SYT6: variants seen among roughly 807,000 people sequenced by gnomAD.
SYT6 encodes the protein synaptotagmin-6.
SYT6 carries 24 observed loss-of-function variants against 38.4 expected under a neutral mutation model. That is an observed-to-expected ratio of 0.62 (90% CI 0.45 to 0.88). The LOEUF (loss-of-function observed/expected upper bound fraction) is 0.88, where lower values mean the gene tolerates loss of function less well. Ranked by LOEUF, SYT6 falls within the 40% of genes least tolerant of loss-of-function variation. SYT6 has a pLI of 0.00. For synonymous variants in SYT6, 265 were observed against 241.9 expected (o/e 1.10, Z -0.89); for missense variants, 611 against 621.0 (o/e 0.98, Z 0.17).
chr1:114,118,961 T>A (rs1028914254), intron 3 of SYT6, among the ~76,000 whole-genome samples: 1 of 152,218 alleles, frequency 6.6e-6, no homozygotes, highest in Non-Finnish European at 1.5e-5. Context: ...GTCTCCGTGA[T>A]CACTGCCCTC....
At position 114,153,674 on chromosome 1, in the gene SYT6, G is replaced by T. The variant is rs1679562503; in HGVS notation, c.99C>A (p.Asp33Glu). 2 of 672,414 alleles carry T rather than the reference G, an allele frequency of 3.0e-6. No homozygotes were observed. The highest frequency in any genetic ancestry group is 5.4e-6 in the Non-Finnish European group (2 of 368,170). 41.7% of individuals were successfully genotyped at this position (672,414 alleles called of 1,614,324 possible). ...CRARPPPLGLDVETCRSFELQ... is the reference protein window; with the variant it reads ...CRARPPPLGLEVETCRSFELQ... Reference sequence around the variant, plus strand: ...GCTCGAAGCTCCGACAAGTCTCCACGTCCAGCCCGAGAGGGGGCGGCCGGG... The same window carrying T: ...GCTCGAAGCTCCGACAAGTCTCCACTTCCAGCCCGAGAGGGGGCGGCCGGG... Residue 33 changes from aspartate (D) to glutamate (E), a missense_variant, in exon 1 of 8, where the codon GAC (aspartate) becomes GAA (glutamate). Transcript: ENST00000610222.
chr1:114,114,943 C>G (rs889214048), intron 3 of SYT6, among the ~76,000 whole-genome samples: 6 of 152,188 alleles, frequency 3.9e-5, no homozygotes, highest in African/African-American at 1.4e-4. Flanking sequence ...CTTCCCTTTG[C>G]CTTTTTCCTG....
intron 6 of SYT6, among the ~76,000 whole-genome samples, chr1:114,095,820 C>A (rs1038397221): frequency 1.3e-5 from 2 of 152,138 alleles, no homozygotes; most frequent in African/African-American, 4.8e-5. Context: ...GCTACCACAC[C>A]TGGCTAATTT....
chr1:114,092,146 C>T (rs996635518), intron 7 of SYT6, 64 bp from the exon 8 acceptor site: 3 of 1,465,056 alleles, frequency 2.0e-6, no homozygotes, highest in Non-Finnish European at 2.8e-6. Context: ...ACTTGCAAAA[C>T]TGAACTGGCC....
rs151132654 is a variant in SYT6 at position 114,105,220 on chromosome 1, G to A, written c.1072-1499C>T. Among the ~76,000 whole-genome samples, 81 of 152,226 alleles carry A rather than the reference G, an allele frequency of 5.3e-4. 1 individual carries two copies. In the East Asian group the frequency reaches 0.014, roughly 27 times the overall value. ...TCTCTAAGGAGATAATGACTTCTGGGAGAGAGAAGAGTCGAGGGTGACACC... is the reference window on the plus strand; with the variant it reads ...TCTCTAAGGAGATAATGACTTCTGGAAGAGAGAAGAGTCGAGGGTGACACC... On this transcript the variant is annotated intron_variant, in intron 3 of 7. Transcript: ENST00000610222.
At chr1:114,153,474 G>C in intron 1 of SYT6, 136 bp downstream of exon 1, 1 of 533,150 alleles carries the variant, frequency 1.9e-6, no homozygotes, top group Non-Finnish European at 3.3e-6. Context: ...AGGGCTGGAC[G>C]AGGCTGGCTC....
At chr1:114,125,371 C>T (rs1172175268) in intron 3 of SYT6, among the ~76,000 whole-genome samples, 1 of 152,230 alleles carries the variant, frequency 6.6e-6, no homozygotes, top group South Asian at 2.1e-4. Flanking sequence ...ATTCCCTCAT[C>T]CCAAGGCCAA....
At chr1:114,098,051 G>T (rs1240924594) in intron 5 of SYT6, among the ~76,000 whole-genome samples, 174 bp from the exon 6 acceptor site, 1 of 152,208 alleles carries the variant, frequency 6.6e-6, no homozygotes, top group South Asian at 2.1e-4. Flanking sequence ...CCTTTGCCTA[G>T]TCCCCTTCAG....
intron 1 of SYT6, among the ~76,000 whole-genome samples, chr1:114,149,364 G>T (rs1283188125): frequency 6.6e-6 from 1 of 151,370 alleles, no homozygotes; most frequent in African/African-American, 2.4e-5. Flanking sequence ...GGGCTGGGGG[G>T]AGGGGAGCAG....
intron 7 of SYT6, among the ~76,000 whole-genome samples, 156 bp downstream of exon 7, chr1:114,093,579 G>A (rs960477894): frequency 3.9e-5 from 6 of 152,176 alleles, no homozygotes; most frequent in Non-Finnish European, 7.3e-5. Flanking sequence ...CTAGCTAGGG[G>A]CAGAGCCAGA....
chr1:114,096,509 A>G (rs1259784937), intron 6 of SYT6, among the ~76,000 whole-genome samples: 4 of 152,160 alleles, frequency 2.6e-5, no homozygotes. Context: ...CCATCCCCCA[A>G]CAACTGAGGT....
intron 3 of SYT6, among the ~76,000 whole-genome samples, chr1:114,135,885 C>T (rs911366727): frequency 3.3e-5 from 5 of 152,182 alleles, no homozygotes; most frequent in Admixed American, 1.3e-4. Flanking sequence ...ATAATGAAGC[C>T]ACAGCCTAAG....
intron 2 of SYT6, among the ~76,000 whole-genome samples, chr1:114,139,337 C>T (rs1256236590): frequency 6.6e-6 from 1 of 152,090 alleles, no homozygotes; most frequent in Admixed American, 6.6e-5. Flanking sequence ...CCAACACTCC[C>T]CTATTCCACT....
At chr1:114,135,785 T>C (rs1678443451) in intron 3 of SYT6, among the ~76,000 whole-genome samples, 1 of 152,190 alleles carries the variant, frequency 6.6e-6, no homozygotes. Flanking sequence ...GAGCTCTGCT[T>C]CCTGCAGCCC....
chr1:114,140,883 A>G (rs888133971), intron 1 of SYT6, among the ~76,000 whole-genome samples: 4 of 152,206 alleles, frequency 2.6e-5, no homozygotes, highest in East Asian at 1.9e-4. Context: ...TATGGTTGTT[A>G]TGGTGATCTA....
chr1:114,093,993 G>A (rs947510900), intron 6 of SYT6, among the ~76,000 whole-genome samples, 190 bp from the exon 7 acceptor site: 4 of 152,086 alleles, frequency 2.6e-5, no homozygotes, highest in African/African-American at 9.7e-5. Flanking sequence ...ATAATCACTG[G>A]CTTCTTCCCT....
chr1:114,153,819 C>T lies in SYT6; in HGVS notation c.-47G>A, dbSNP rs377063604. On this transcript the variant is annotated 5_prime_UTR_variant, in exon 1 of 8. Transcript: ENST00000610222. ...CGAGCAGCAGCTCGAACCCGCGCCCCGGCCGCACTGGGGCGGGGCACGACG... is the reference window on the plus strand; with the variant it reads ...CGAGCAGCAGCTCGAACCCGCGCCCTGGCCGCACTGGGGCGGGGCACGACG... 751 of 599,758 alleles carry T rather than the reference C, an allele frequency of 1.3e-3. 5 individuals are homozygous for T. In the African/African-American group the frequency reaches 0.013, roughly 11 times the overall value. 37.2% of individuals were successfully genotyped at this position (599,758 alleles called of 1,614,324 possible).
chr1:114,110,835 T>C (rs1160359532), intron 3 of SYT6, among the ~76,000 whole-genome samples: 1 of 152,196 alleles, frequency 6.6e-6, no homozygotes, highest in African/African-American at 2.4e-5. Flanking sequence ...GCCAGATCCT[T>C]GCAGTTTTCT....
At position 114,139,946 on chromosome 1, in the gene SYT6, G is replaced by C; in HGVS notation, c.181C>G (p.Leu61Val). ...AAGAGTSVSL[L>V]AVVVIVCGVA... Reference sequence around the variant, plus strand: ...CCACACACAATAACTACAACTGCGAGGAGGCTGACAGAGGTGCCTGCCCTC... The same window carrying C: ...CCACACACAATAACTACAACTGCGACGAGGCTGACAGAGGTGCCTGCCCTC... Residue 61 changes from leucine (L) to valine (V), a missense_variant, in exon 2 of 8, where the codon CTC (leucine) becomes GTC (valine). By Grantham distance (32) the Leu-to-Val change is conservative. Coordinates refer to ENST00000610222, the MANE Select transcript of SYT6 (RefSeq NM_001253772.2). 1 of 1,508,056 alleles carries C rather than the reference G, an allele frequency of 6.6e-7. No homozygotes were observed. The highest frequency in any genetic ancestry group is 8.8e-7 in the Non-Finnish European group (1 of 1,131,186). 93.4% of individuals were successfully genotyped at this position (1,508,056 alleles called of 1,614,324 possible).
Sources: allele counts gnomAD v4.1 joint callset (sites outside exome capture counted in the v4.1 genomes callset), GRCh38; gene constraint gnomAD v4.1.1; transcripts MANE v1.5; gene names NCBI Gene and HGNC (gene_info 2026-07-23, HGNC 2026-07-21).